Variants in SGIP1 observed in about 807,000 individuals in gnomAD.
SGIP1 encodes the protein SH3GL interacting endocytic adaptor 1.
Under a neutral mutation model 107.5 loss-of-function variants are expected in SGIP1, and 38 were observed. That is an observed-to-expected ratio of 0.35 (90% CI 0.27 to 0.46). SGIP1 has a LOEUF of 0.46. Ranked by LOEUF, SGIP1 falls within the 20% of genes least tolerant of loss-of-function variation. SGIP1 has a pLI of 1.00. For synonymous variants in SGIP1, 365 were observed against 366.1 expected, an observed-to-expected ratio of 1.00 and a Z score of 0.03; for missense variants, 929 against 1,019.5, an observed-to-expected ratio of 0.91 and a Z score of 1.21.
intron 17 of SGIP1, chr1:66,694,429 T>C: frequency 6.2e-7 from 1 of 1,606,234 alleles, no homozygotes; most frequent in Non-Finnish European, 8.5e-7. Flanking sequence ...TATGTTTCTT[T>C]GGTTCGTAGT....
intron 18 of SGIP1, 64 bp downstream of exon 18, chr1:66,695,557 G>T: frequency 6.6e-7 from 1 of 1,519,218 alleles, no homozygotes; most frequent in South Asian, 1.2e-5. Flanking sequence ...TTCCCCATTT[G>T]CATTTCCAAA....
In SGIP1 at chr1:66,679,760, T is replaced by C. The variant is rs1295022081; in HGVS notation, c.814+8T>C. ...CCTTAACAATTGGACCAGGTACGCT[T>C]TTGTTTTTTCAGTTCTGGGATGATG... On this transcript the variant is annotated splice_region_variant and intron_variant, in intron 14 of 24. Transcript: ENST00000371037. 1 of 1,588,898 alleles carries C rather than the reference T, an allele frequency of 6.3e-7. No individual in the cohort carries two copies. The highest frequency in any genetic ancestry group is 1.9e-5 in the Admixed American group (1 of 52,298).
rs542965707 is a variant in SGIP1 at position 66,671,454 on chromosome 1, G to A, written c.508+435G>A. On this transcript the variant is annotated intron_variant, in intron 10 of 24. Transcript: ENST00000371037. ...TGCGATATAGGTTATAATACACATAGGGCACAATTTTCCTCTGCTGCATAC... is the reference window on the plus strand; with the variant it reads ...TGCGATATAGGTTATAATACACATAAGGCACAATTTTCCTCTGCTGCATAC... Among the ~76,000 whole-genome samples the A allele has an allele frequency of 8.5e-5, 13 of 152,144 alleles. No homozygotes were observed. In the East Asian group the frequency reaches 2.5e-3, roughly 29 times the overall value.
intron 18 of SGIP1, among the ~76,000 whole-genome samples, chr1:66,703,333 G>T (rs1317739276): frequency 1.3e-5 from 2 of 152,014 alleles, no homozygotes; most frequent in African/African-American, 4.8e-5. Context: ...GGAAGAAACG[G>T]GAGCAACATT....
chr1:66,646,627 T>A (rs867298041), intron 7 of SGIP1, among the ~76,000 whole-genome samples: 1 of 152,146 alleles, frequency 6.6e-6, no homozygotes, highest in South Asian at 2.1e-4. Context: ...TATTGGGCGG[T>A]CAAATTAACG....
chr1:66,604,369 G>A (rs183299241), intron 1 of SGIP1, among the ~76,000 whole-genome samples: 38 of 152,180 alleles, frequency 2.5e-4, no homozygotes, highest in Admixed American at 1.0e-3. Flanking sequence ...CATCATGGTC[G>A]TCTCAGACAA....
chr1:66,646,017 T>C (rs181227159), intron 7 of SGIP1, among the ~76,000 whole-genome samples: 1 of 152,264 alleles, frequency 6.6e-6, no homozygotes, highest in African/African-American at 2.4e-5. Flanking sequence ...CTTTTGGTAT[T>C]TTCAGTAGAG....
Position 66,749,420 on chromosome 1 carries a change from C to G in SGIP1, c.*6325C>G, listed in dbSNP as rs554102944. Reference sequence around the variant, plus strand: ...CACAGATTTTGTGAGATTCTATACTCTTTTAATGAGCATTTCATAGGGTTT... The same window carrying G: ...CACAGATTTTGTGAGATTCTATACTGTTTTAATGAGCATTTCATAGGGTTT... On this transcript the variant is annotated 3_prime_UTR_variant, in exon 25 of 25. Transcript: ENST00000371037. Among the ~76,000 whole-genome samples the G allele has an allele frequency of 6.7e-6, 1 of 149,864 alleles. No homozygotes were observed. The highest frequency in any genetic ancestry group is 2.4e-5 in the African/African-American group (1 of 40,828).
At chr1:66,703,371 C>T (rs940847588) in intron 18 of SGIP1, among the ~76,000 whole-genome samples, 3 of 152,020 alleles carry the variant, frequency 2.0e-5, no homozygotes, top group Non-Finnish European at 4.4e-5. Context: ...TACCCTGAAG[C>T]AATATAACAT....
intron 1 of SGIP1, among the ~76,000 whole-genome samples, chr1:66,567,418 G>A (rs2059801248): frequency 6.6e-6 from 1 of 151,922 alleles, no homozygotes; most frequent in Non-Finnish European, 1.5e-5. Flanking sequence ...TTGTCAGATG[G>A]GTAGATTGCA....
At chr1:66,720,525 G>A (rs950616211) in intron 19 of SGIP1, among the ~76,000 whole-genome samples, 5 of 152,120 alleles carry the variant, frequency 3.3e-5, no homozygotes, top group East Asian at 1.9e-4. Context: ...CCAGGAGATC[G>A]AGACCACCCC....
At chr1:66,581,865 C>T (rs972353534) in intron 1 of SGIP1, among the ~76,000 whole-genome samples, 1 of 152,004 alleles carries the variant, frequency 6.6e-6, no homozygotes, top group Non-Finnish European at 1.5e-5. Flanking sequence ...CAAATGAAGA[C>T]AAAGGACACT....
intron 7 of SGIP1, among the ~76,000 whole-genome samples, chr1:66,658,969 G>A (rs377717463): frequency 1.3e-5 from 2 of 152,146 alleles, no homozygotes; most frequent in East Asian, 1.9e-4. Flanking sequence ...ACAGGGAAGC[G>A]TGTAAGTGCA....
chr1:66,593,489 T>C (rs2064033534), intron 1 of SGIP1, among the ~76,000 whole-genome samples: 1 of 152,250 alleles, frequency 6.6e-6, no homozygotes, highest in Admixed American at 6.5e-5. Flanking sequence ...GTCATAGCAC[T>C]TACTACAACA....
At chr1:66,659,954 GAA>G (rs1557495543) in intron 7 of SGIP1, among the ~76,000 whole-genome samples, 1 of 16,434 alleles carries the variant, frequency 6.1e-5, no homozygotes, top group African/African-American at 2.1e-4. Context: ...GAAAGAAAAA[GAA>G]AGAAAGAAAG....
intron 1 of SGIP1, among the ~76,000 whole-genome samples, chr1:66,568,524 A>G (rs556258447): frequency 6.6e-6 from 1 of 152,166 alleles, no homozygotes; most frequent in Non-Finnish European, 1.5e-5. Context: ...TGAACTTCCA[A>G]TACTATGTTG....
At chr1:66,658,582 C>G (rs1014123696) in intron 7 of SGIP1, among the ~76,000 whole-genome samples, 3 of 152,056 alleles carry the variant, frequency 2.0e-5, no homozygotes, top group African/African-American at 7.2e-5. Flanking sequence ...CAATGGCTCC[C>G]CAAAAAGGGA....
intron 7 of SGIP1, among the ~76,000 whole-genome samples, chr1:66,658,944 C>A (rs2080324104): frequency 6.6e-6 from 1 of 152,040 alleles, no homozygotes; most frequent in South Asian, 2.1e-4. Flanking sequence ...GAGGGAGAAG[C>A]AGCATGGGCA....
Position 66,750,005 on chromosome 1 carries a change from C to CTT in SGIP1, c.*6911_*6912insTT, listed in dbSNP as rs796767895. On this transcript the variant is annotated 3_prime_UTR_variant, in exon 25 of 25. Transcript: ENST00000371037. ...CCTATCTAATTCATATTCTCTCTCT[C>CTT]TCTCTCTCTCTTTCTCTGTGTGTGT... Among the ~76,000 whole-genome samples, 7 of 132,688 alleles carry CTT rather than the reference C, an allele frequency of 5.3e-5. No homozygotes were observed. The highest frequency in any genetic ancestry group is 2.0e-4 in the African/African-American group (7 of 35,116). 87.0% of individuals were successfully genotyped at this position (132,688 alleles called of 152,430 possible).
Sources: allele counts gnomAD v4.1 joint callset (sites outside exome capture counted in the v4.1 genomes callset), GRCh38; gene constraint gnomAD v4.1.1; transcripts MANE v1.5; gene names NCBI Gene and HGNC (gene_info 2026-07-23, HGNC 2026-07-21).